MBD2: variants seen among roughly 807,000 people sequenced by gnomAD.
MBD2 encodes methyl-CpG-binding domain protein 2.
Under a neutral mutation model 39.3 loss-of-function variants are expected in MBD2, and 9 were observed. The observed-to-expected ratio is 0.23, with a 90% CI of 0.14 to 0.40. The LOEUF (loss-of-function observed/expected upper bound fraction) is 0.40. MBD2 is among the 10% of genes least tolerant of loss of function. MBD2 has a pLI of 1.00. For missense variants in MBD2, 458 were observed against 532.6 expected, an observed-to-expected ratio of 0.86 and a Z score of 1.38; for synonymous variants, 233 against 211.1, an observed-to-expected ratio of 1.10 and a Z score of -0.90.
intron 3 of MBD2, among the ~76,000 whole-genome samples, chr18:54,168,241 T>G (rs1398684565): frequency 6.6e-6 from 1 of 151,778 alleles, no homozygotes; most frequent in African/African-American, 2.4e-5. Context: ...ATTTGTTTTA[T>G]TCTATCATTT....
chr18:54,168,623 G>A (rs1400495764), intron 3 of MBD2, among the ~76,000 whole-genome samples: 125 of 41,440 alleles, frequency 3.0e-3, no homozygotes, highest in African/African-American at 0.028. Context: ...TTGTGTGTGT[G>A]TGTGTGTGTG....
chr18:54,169,369 T>C (rs1460822047), intron 3 of MBD2, among the ~76,000 whole-genome samples: 1 of 151,070 alleles, frequency 6.6e-6, no homozygotes, highest in East Asian at 1.9e-4. Flanking sequence ...CCAAATTCCA[T>C]GATCTTTTCT....
intron 2 of MBD2, among the ~76,000 whole-genome samples, chr18:54,203,499 C>T (rs1329274024): frequency 2.0e-5 from 3 of 152,176 alleles, no homozygotes; most frequent in Non-Finnish European, 1.5e-5. Flanking sequence ...AACTCAAATC[C>T]ACCCCATAGT....
chr18:54,172,784 A>C (rs185549195), intron 3 of MBD2, among the ~76,000 whole-genome samples: 12 of 152,356 alleles, frequency 7.9e-5, no homozygotes, highest in African/African-American at 2.2e-4. Flanking sequence ...ACCAATGTTC[A>C]AACTTGCTTT....
At chr18:54,167,913 A>T (rs1265319122) in intron 3 of MBD2, among the ~76,000 whole-genome samples, 2 of 151,642 alleles carry the variant, frequency 1.3e-5, no homozygotes, top group South Asian at 4.2e-4. Flanking sequence ...TCTCTGGTGG[A>T]ATAACATCAT....
chr18:54,214,469 G>A (rs981745291), intron 1 of MBD2, among the ~76,000 whole-genome samples: 1 of 151,980 alleles, frequency 6.6e-6, no homozygotes, highest in Non-Finnish European at 1.5e-5. Context: ...AAAGTGCTGG[G>A]ATTACAGGTA....
At chr18:54,161,522 A>G (rs1310221984) in intron 5 of MBD2, among the ~76,000 whole-genome samples, 2 of 152,250 alleles carry the variant, frequency 1.3e-5, no homozygotes, top group East Asian at 1.9e-4. Flanking sequence ...TAATAAGAGT[A>G]CAAGAATCTT....
chr18:54,218,690 C>T (rs530224386), intron 1 of MBD2, among the ~76,000 whole-genome samples: 3 of 152,274 alleles, frequency 2.0e-5, no homozygotes, highest in East Asian at 1.9e-4. Flanking sequence ...AGGCTGGGCG[C>T]GGTGGCTCAC....
At chr18:54,207,237 T>C (rs1408803103) in intron 1 of MBD2, among the ~76,000 whole-genome samples, 2 of 152,202 alleles carry the variant, frequency 1.3e-5, no homozygotes, top group African/African-American at 4.8e-5. Context: ...TACCTTTGAA[T>C]CTTCCAGTCA....
intron 4 of MBD2, among the ~76,000 whole-genome samples, chr18:54,165,757 C>A (rs1042382810): frequency 5.9e-5 from 9 of 152,200 alleles, no homozygotes; most frequent in African/African-American, 1.9e-4. Context: ...TTGAGAAATT[C>A]TGTTACTCAT....
intron 1 of MBD2, among the ~76,000 whole-genome samples, chr18:54,219,940 A>G (rs1315526098): frequency 6.6e-6 from 1 of 152,226 alleles, no homozygotes; most frequent in Non-Finnish European, 1.5e-5. Context: ...AGCTGGGACT[A>G]CAGGCATCTG....
At chr18:54,166,024 G>T in intron 4 of MBD2, 52 bp downstream of exon 4, 1 of 1,225,524 alleles carries the variant, frequency 8.2e-7, no homozygotes, top group Non-Finnish European at 1.2e-6. Flanking sequence ...CAGAGTGCCT[G>T]GCATGCAGTA....
At chr18:54,200,127 C>A (rs565723277) in intron 2 of MBD2, among the ~76,000 whole-genome samples, 1 of 152,246 alleles carries the variant, frequency 6.6e-6, no homozygotes, top group African/African-American at 2.4e-5. Context: ...ACAACTGATT[C>A]CATTCAAGAA....
chr18:54,166,335 A>T (rs1337869171), intron 3 of MBD2, among the ~76,000 whole-genome samples, 169 bp from the exon 4 acceptor site: 1 of 152,238 alleles, frequency 6.6e-6, no homozygotes, highest in African/African-American at 2.4e-5. Context: ...ATTTCCACAC[A>T]TCATAATCCT....
In MBD2 at chr18:54,224,256, T is replaced by A; in HGVS notation, c.304A>T (p.Ser102Cys). Residue 102 changes from serine (S) to cysteine (C), a missense_variant, in exon 1 of 7, where the codon AGC (serine) becomes TGC (cysteine). Ser to Cys is a moderately radical substitution (Grantham distance 112). This residue lies in a region of MBD2 where 269 missense variants were observed against 236.0 expected (regional missense o/e 1.14). Coordinates refer to ENST00000256429, the MANE Select transcript of MBD2 (RefSeq NM_003927.5). ...RGRGRPPSGGSGLGGDGGGCG... is the reference protein window; with the variant it reads ...RGRGRPPSGGCGLGGDGGGCG... ...CCGCCGCCGTCGCCGCCAAGGCCGC[T>A]GCCGCCACTCGGGGGACGGCCGCGG... 1.0e-6 allele frequency: 1 copy of A among 962,994 alleles called. No homozygotes were observed. Among genetic ancestry groups the A allele is most frequent in the African/African-American group, 1.8e-5 (1 of 55,080 alleles). The allele number at this position is 962,994 out of a possible 1,614,324, so 59.7% of individuals were successfully genotyped here.
intron 5 of MBD2, among the ~76,000 whole-genome samples, chr18:54,163,927 C>A (rs555374097): frequency 6.6e-6 from 1 of 152,072 alleles, no homozygotes; most frequent in Non-Finnish European, 1.5e-5. Context: ...TCTGTCACCA[C>A]GGCTGGAGTG....
At chr18:54,202,965 CT>C in intron 2 of MBD2, 1 of 988,102 alleles carries the variant, frequency 1.0e-6, no homozygotes, top group South Asian at 1.3e-5. Flanking sequence ...GACAATGAAG[CT>C]GGGTCTTGGA....
chr18:54,203,010 G>T (rs1470794377), intron 2 of MBD2: 2 of 1,108,136 alleles, frequency 1.8e-6, no homozygotes, highest in Non-Finnish European at 1.4e-6. Context: ...GGGGAAGGGG[G>T]TAAGCACATT....
chr18:54,174,777 T>C (rs1361421671), intron 3 of MBD2, among the ~76,000 whole-genome samples: 1 of 152,230 alleles, frequency 6.6e-6, no homozygotes, highest in African/African-American at 2.4e-5. Flanking sequence ...AAATTTTATA[T>C]CACAACCTAT....
Sources: allele counts gnomAD v4.1 joint callset (sites outside exome capture counted in the v4.1 genomes callset), GRCh38; gene constraint gnomAD v4.1.1; regional missense constraint gnomAD v4.1.1; transcripts MANE v1.5; gene names NCBI Gene and HGNC (gene_info 2026-07-23, HGNC 2026-07-21).